The following JDP2 variants were observed in gnomAD, a reference collection of about 807,000 sequenced individuals.
JDP2 encodes progesterone receptor co-activator.
In JDP2, 9 loss-of-function variants were observed where a neutral mutation model predicts 17.1. The observed-to-expected ratio is 0.53, with a 90% CI of 0.32 to 0.92. The LOEUF (loss-of-function observed/expected upper bound fraction) is 0.92, where lower values mean the gene tolerates loss of function less well. Ranked by LOEUF, JDP2 falls within the 40% of genes least tolerant of loss-of-function variation. The pLI is 0.04. For missense variants in JDP2, 179 were observed against 220.0 expected (o/e 0.81, Z 1.18); for synonymous variants, 107 against 95.6 (o/e 1.12, Z -0.69).
intron 2 of JDP2, among the ~76,000 whole-genome samples, chr14:75,457,528 G>A (rs1886166029): frequency 6.6e-6 from 1 of 152,258 alleles, no homozygotes; most frequent in Non-Finnish European, 1.5e-5. Flanking sequence ...TAGGGGTGAT[G>A]CAGCACAGTT....
intron 2 of JDP2, among the ~76,000 whole-genome samples, chr14:75,456,526 C>A (rs1241717792): frequency 6.6e-6 from 1 of 152,202 alleles, no homozygotes; most frequent in African/African-American, 2.4e-5. Flanking sequence ...TTGGGCACCC[C>A]ACCTGCTTTC....
At chr14:75,455,973 T>A (rs1273919784) in intron 2 of JDP2, among the ~76,000 whole-genome samples, 2 of 152,164 alleles carry the variant, frequency 1.3e-5, no homozygotes, top group African/African-American at 4.8e-5. Context: ...GTTTTAGGAA[T>A]GTTGCTGAGG....
intron 1 of JDP2, among the ~76,000 whole-genome samples, chr14:75,437,172 CA>C (rs11302124): frequency 0.39 from 38,248 of 98,360 alleles, 4,452 homozygotes; most frequent in East Asian, 0.55. Context: ...CCAGCCTGGG[CA>C]AAAAAAAAAA....
At position 75,439,445 on chromosome 14, in the gene JDP2, T is replaced by G. The variant is rs140020539; in HGVS notation, c.201+1324T>G. On this transcript the variant is annotated intron_variant, in intron 2 of 3. Transcript: ENST00000651602. ...TACCCTGTTCTGGCATGGTAATGGC[T>G]AAGTGGGGTGGACAGAGGCACTTCA... Among the ~76,000 whole-genome samples the G allele has an allele frequency of 8.1e-4, 124 of 152,362 alleles. 1 individual carries two copies. Among genetic ancestry groups the G allele is most frequent in the African/African-American group, 2.7e-3 (114 of 41,594 alleles).
At position 75,474,104 on chromosome 14, in the gene JDP2, A is replaced by G. The variant is rs1886867284; in HGVS notation, c.*4629A>G. On this transcript the variant is annotated 3_prime_UTR_variant, in exon 4 of 4. Transcript: ENST00000651602. ...TTTGCAATAAAAGAGAACAAGCCAC[A>G]ATACAAATAGGAGGTTTTGTTTTTA... The G allele has an allele frequency of 6.6e-6, 1 of 152,008 alleles. No individual in the cohort carries two copies. Among genetic ancestry groups the G allele is most frequent in the Non-Finnish European group, 1.5e-5 (1 of 68,042 alleles). The allele number at this position is 152,008 out of a possible 1,614,324, so 9.4% of individuals were successfully genotyped here. A position where few individuals can be genotyped will look rare whatever the true frequency, so the allele number is the denominator to read the frequency against.
intron 3 of JDP2, among the ~76,000 whole-genome samples, chr14:75,466,172 G>C (rs1222251654): frequency 6.6e-6 from 1 of 152,198 alleles, no homozygotes; most frequent in East Asian, 1.9e-4. Flanking sequence ...TGGGCGCGGT[G>C]GCTCATGCCT....
intron 1 of JDP2, chr14:75,432,123 G>C: frequency 1.7e-6 from 1 of 598,074 alleles, no homozygotes; most frequent in Non-Finnish European, 3.0e-6. Context: ...TGCAGAGCTG[G>C]GGACAGCCAT....
intron 2 of JDP2, among the ~76,000 whole-genome samples, chr14:75,461,154 T>C (rs1886330689): frequency 6.6e-6 from 1 of 152,242 alleles, no homozygotes; most frequent in Admixed American, 6.5e-5. Flanking sequence ...ATTAAGTTTC[T>C]AACACTTGAA....
intron 2 of JDP2, among the ~76,000 whole-genome samples, chr14:75,439,819 T>C (rs1885252015): frequency 6.6e-6 from 1 of 152,154 alleles, no homozygotes; most frequent in Non-Finnish European, 1.5e-5. Flanking sequence ...GTCTGTAACT[T>C]GAGAGCATCT....
In JDP2 at chr14:75,437,979, G is replaced by A; in HGVS notation, c.59G>A (p.Gly20Asp). Residue 20 changes from glycine (G) to aspartate (D), a missense_variant, in exon 2 of 4, where the codon GGC becomes GAC. Coordinates refer to ENST00000651602, the MANE Select transcript of JDP2 (RefSeq NM_001135048.2). ...ACCACAGGCTCCCTGCCAGGGCTTG[G>A]CCCCCTGACCGGGCTCCCCAGCTCG... ...SVTTGSLPGL[G>D]PLTGLPSSAL... 2 of 1,613,498 alleles carry A rather than the reference G, an allele frequency of 1.2e-6. No homozygotes were observed. The highest frequency in any genetic ancestry group is 1.7e-6 in the Non-Finnish European group (2 of 1,179,760).
intron 2 of JDP2, among the ~76,000 whole-genome samples, chr14:75,449,131 A>G (rs905891912): frequency 2.6e-5 from 4 of 152,180 alleles, no homozygotes; most frequent in African/African-American, 7.2e-5. Context: ...GCTTGAAAGA[A>G]ATTGGATGAA....
At chr14:75,433,195 CAAA>C (rs780191475) in intron 1 of JDP2, among the ~76,000 whole-genome samples, 12 of 19,386 alleles carry the variant, frequency 6.2e-4, no homozygotes, top group South Asian at 0.012. Flanking sequence ...AACTCCGTCT[CAAA>C]AAAAAAAAAA....
chr14:75,440,877 G>A (rs908416213), intron 2 of JDP2, among the ~76,000 whole-genome samples: 2 of 152,196 alleles, frequency 1.3e-5, no homozygotes, highest in Admixed American at 6.5e-5. Context: ...GGTCAACAAG[G>A]CTGAGGGAGG....
chr14:75,444,525 C>T (rs1326539978), intron 2 of JDP2, among the ~76,000 whole-genome samples: 4 of 152,274 alleles, frequency 2.6e-5, no homozygotes, highest in East Asian at 1.9e-4. Context: ...CTGGCTCTCT[C>T]GCTCATTCCC....
chr14:75,474,061 T>C lies in JDP2; in HGVS notation c.*4586T>C, dbSNP rs1886866324. On this transcript the variant is annotated 3_prime_UTR_variant, in exon 4 of 4. Transcript: ENST00000651602. The stretch of plus-strand genomic sequence containing the variant: ...ATGTGGGCTATCTTCTCCACACTCC[T>C]CTGTATATTTGATATTCTTTGCAAT... 6.6e-6 allele frequency: 1 copy of C among 152,242 alleles called. No individual in the cohort carries two copies. Among genetic ancestry groups the C allele is most frequent in the African/African-American group, 2.4e-5 (1 of 41,446 alleles). The allele number at this position is 152,242 out of a possible 1,614,324, so 9.4% of individuals were successfully genotyped here.
chr14:75,457,074 C>A (rs1566745141), intron 2 of JDP2, among the ~76,000 whole-genome samples: 4 of 152,242 alleles, frequency 2.6e-5, no homozygotes, highest in Non-Finnish European at 5.9e-5. Flanking sequence ...GCTCCCCTCC[C>A]ACCCTCAGCC....
rs1048138958 is a variant in JDP2 at position 75,439,361 on chromosome 14, G to A, written c.201+1240G>A. Among the ~76,000 whole-genome samples, 43 of 152,272 alleles carry A rather than the reference G, an allele frequency of 2.8e-4. No individual in the cohort carries two copies. In the East Asian group the frequency reaches 3.5e-3, roughly 12 times the overall value. ...GCCGGCTCAGTGTTTTAAAAGAAAC[G>A]CGAACCCCCATTTCATTTGAAAATT... On this transcript the variant is annotated intron_variant, in intron 2 of 3. Transcript: ENST00000651602.
intron 2 of JDP2, among the ~76,000 whole-genome samples, chr14:75,452,302 C>T (rs1429227497): frequency 6.6e-6 from 1 of 152,208 alleles, no homozygotes; most frequent in Non-Finnish European, 1.5e-5. Context: ...GACACTCCAC[C>T]TCGCTGAGCC....
At chr14:75,450,476 C>T (rs1282141512) in intron 2 of JDP2, among the ~76,000 whole-genome samples, 1 of 152,228 alleles carries the variant, frequency 6.6e-6, no homozygotes, top group African/African-American at 2.4e-5. Context: ...ATGGCTTATC[C>T]ACCCGTGCCC....
Sources: allele counts gnomAD v4.1 joint callset (sites outside exome capture counted in the v4.1 genomes callset), GRCh38; gene constraint gnomAD v4.1.1; transcripts MANE v1.5; gene names NCBI Gene and HGNC (gene_info 2026-07-23, HGNC 2026-07-21).